Variants in PABPC1 observed in about 807,000 individuals in gnomAD.
The protein encoded by PABPC1 is poly(A) binding protein cytoplasmic 1, also known as polyadenylate-binding protein 1.
A neutral mutation model predicts 74.0 loss-of-function variants in PABPC1; 4 were observed. The ratio of observed to expected loss-of-function variants is 0.05; its 90% confidence interval spans 0.03 to 0.12. The LOEUF is 0.12. PABPC1 is among the 10% of genes least tolerant of loss of function. The pLI is 1.00. For synonymous variants in PABPC1, 227 were observed against 264.1 expected, an observed-to-expected ratio of 0.86 and a Z score of 1.36; for missense variants, 271 against 821.1, an observed-to-expected ratio of 0.33 and a Z score of 8.19.
intron 4 of PABPC1, among the ~76,000 whole-genome samples, chr8:100,715,140 C>G (rs1810634281): frequency 7.3e-6 from 1 of 136,380 alleles, no homozygotes; most frequent in African/African-American, 2.7e-5. Context: ...CACACACACA[C>G]ACACACACAC....
intron 9 of PABPC1, among the ~76,000 whole-genome samples, chr8:100,707,965 A>G (rs1810426006): frequency 6.6e-6 from 1 of 152,080 alleles, no homozygotes; most frequent in Non-Finnish European, 1.5e-5. Flanking sequence ...GTCACTTCTC[A>G]CTATGTCCCC....
chr8:100,715,146 CACACACACACACAT>C (rs141996210), intron 4 of PABPC1, among the ~76,000 whole-genome samples: 37,742 of 150,300 alleles, frequency 0.25, 5,057 homozygotes, highest in South Asian at 0.35. Context: ...CACACACACA[CACACACACACACAT>C]ATATATCTCC....
chr8:100,707,428 T>C (rs1237560575), intron 9 of PABPC1, among the ~76,000 whole-genome samples: 2 of 151,992 alleles, frequency 1.3e-5, no homozygotes, highest in Non-Finnish European at 1.5e-5. Flanking sequence ...GTGAGTCATC[T>C]CCAATGATAG....
intron 13 of PABPC1, 82 bp from the exon 14 acceptor site, chr8:100,704,472 A>G: frequency 8.8e-7 from 1 of 1,137,654 alleles, no homozygotes; most frequent in Non-Finnish European, 1.3e-6. Context: ...ACCAATTCCC[A>G]ACAAAGATAA....
intron 4 of PABPC1, 90 bp downstream of exon 4, chr8:100,715,372 T>C (rs1810642581): frequency 3.4e-6 from 4 of 1,165,148 alleles, no homozygotes; most frequent in East Asian, 2.4e-5. Flanking sequence ...TCTAATTTTA[T>C]TGACTTTTTT....
rs1222308174 is a variant in PABPC1 at position 100,705,442 on chromosome 8, T to A, written c.1687+147A>T. ...TTATTGGCTTTCCAGTGGTTTTAAT[T>A]AGGCAGACCAACTGTACTATCATAA... On this transcript the variant is annotated intron_variant, in intron 12 of 14. Coordinates refer to ENST00000318607, the MANE Select transcript of PABPC1 (RefSeq NM_002568.4). 7.0e-6 allele frequency: 5 copies of A among 709,268 alleles called. No individual in the cohort carries two copies. In the African/African-American group the frequency reaches 8.8e-5, roughly 12 times the overall value. The allele number at this position is 709,268 out of a possible 1,614,324, so 43.9% of individuals were successfully genotyped here. A position where few individuals can be genotyped will look rare whatever the true frequency, so the allele number is the denominator to read the frequency against.
rs149704439 is a variant in PABPC1, at chr8:100,718,074, A to G, written c.387+13T>C. 4.3e-3 allele frequency: 6,893 copies of G among 1,586,756 alleles called. 36 individuals carry two copies. The highest frequency in any genetic ancestry group is 0.017 in the South Asian group (1,534 of 87,726). On this transcript the variant is annotated intron_variant, in intron 2 of 14. Transcript: ENST00000318607. ...AACAATGTAAACATGTGTATCGGACATTTTTGGCTTACCTTACATGAAAGG... is the reference window on the plus strand; with the variant it reads ...AACAATGTAAACATGTGTATCGGACGTTTTTGGCTTACCTTACATGAAAGG...
chr8:100,707,007 A>T lies in PABPC1; in HGVS notation c.1337-10T>A. ...GGCATATTTTGGAATGCTGCATTTT[A>T]AAGATGTGAATATACATTAACTGGG... is the stretch of plus-strand genomic sequence containing the variant. On this transcript the variant is annotated splice_polypyrimidine_tract_variant and intron_variant, in intron 9 of 14. Transcript: ENST00000318607. 1.1e-6 allele frequency: 1 copy of T among 938,640 alleles called. No homozygotes were observed. The highest frequency in any genetic ancestry group is 1.6e-6 in the Non-Finnish European group (1 of 640,092). 58.1% of individuals were successfully genotyped at this position (938,640 alleles called of 1,614,324 possible).
rs1180891739 is a variant in PABPC1 at position 100,703,081 on chromosome 8, C to G, written c.*280G>C. On this transcript the variant is annotated 3_prime_UTR_variant, in exon 15 of 15. Coordinates refer to ENST00000318607, the MANE Select transcript of PABPC1 (RefSeq NM_002568.4). ...GAATGCTTTAAATTTTTGTACTTTG[C>G]TGAAAATTCTTTTTCCCAGGGTCTA... The G allele has an allele frequency of 1.2e-5, 2 of 160,082 alleles. No homozygotes were observed. Among genetic ancestry groups the G allele is most frequent in the Admixed American group, 6.7e-5 (1 of 15,008 alleles). The allele number at this position is 160,082 out of a possible 1,614,324, so 9.9% of individuals were successfully genotyped here.
chr8:100,712,478 C>T (rs1563612926), intron 6 of PABPC1, 21 bp from the exon 7 acceptor site: 2 of 1,541,390 alleles, frequency 1.3e-6, no homozygotes, highest in Non-Finnish European at 1.8e-6. Flanking sequence ...GAAAAGAAAA[C>T]TATAGAAAAA....
At chr8:100,709,893 T>C in intron 7 of PABPC1, 162 bp from the exon 8 acceptor site, 2 of 790,880 alleles carry the variant, frequency 2.5e-6, no homozygotes, top group Non-Finnish European at 1.9e-6. Flanking sequence ...TTTTCCTTAA[T>C]ACCCAATTAT....
rs1402327005 is a variant in PABPC1 at position 100,715,452 on chromosome 8, G to T, written c.643+10C>A. ...GCTTTGTGTGTAAAAATTTAATTAA[G>T]ACACATTACCAAACTTGCCAAAGAG... is the stretch of plus-strand genomic sequence containing the variant. On this transcript the variant is annotated intron_variant, in intron 4 of 14. Coordinates refer to ENST00000318607, the MANE Select transcript of PABPC1 (RefSeq NM_002568.4). The T allele has an allele frequency of 1.3e-6, 2 of 1,555,796 alleles. No homozygotes were observed. Among genetic ancestry groups the T allele is most frequent in the Non-Finnish European group, 1.7e-6 (2 of 1,146,294 alleles).
intron 11 of PABPC1, among the ~76,000 whole-genome samples, chr8:100,706,114 G>C (rs1810371960): frequency 6.6e-6 from 1 of 152,170 alleles, no homozygotes; most frequent in Non-Finnish European, 1.5e-5. Flanking sequence ...TGAAGTGCTG[G>C]GATTACATAG....
intron 5 of PABPC1, 56 bp from the exon 6 acceptor site, chr8:100,712,845 C>T (rs1215958936): frequency 3.3e-6 from 5 of 1,506,948 alleles, no homozygotes; most frequent in African/African-American, 1.4e-5. Context: ...ACTTACAGTT[C>T]ATTTCCTTAA....
intron 7 of PABPC1, 99 bp downstream of exon 7, chr8:100,712,263 A>C (rs867103384): frequency 1.5e-6 from 1 of 663,950 alleles, no homozygotes; most frequent in Non-Finnish European, 2.6e-6. Context: ...CGAAGCAAAC[A>C]CCTCTCTAGT....
chr8:100,717,984 T>A, intron 2 of PABPC1, 96 bp from the exon 3 acceptor site: 1 of 1,333,934 alleles, frequency 7.5e-7, no homozygotes, highest in Non-Finnish European at 1.1e-6. Flanking sequence ...AACCTGGATA[T>A]TTGTGAAATA....
intron 9 of PABPC1, among the ~76,000 whole-genome samples, chr8:100,708,266 C>A (rs1301357729): frequency 6.6e-6 from 1 of 152,190 alleles, no homozygotes; most frequent in Non-Finnish European, 1.5e-5. Flanking sequence ...CCCAGCCTGG[C>A]CAACAGGGCA....
At position 100,704,063 on chromosome 8, in the gene PABPC1, A is replaced by AAAC. The variant is rs1431679736; in HGVS notation, c.*1+233_*1+234insGTT. On this transcript the variant is annotated intron_variant, in intron 14 of 14. Coordinates refer to ENST00000318607, the MANE Select transcript of PABPC1 (RefSeq NM_002568.4). ...GAACGAAACTCCATCTCAAAAAAAA[A>AAAC]AAAAAAAAAAAACACCACCTGAAAG... The AAAC allele has an allele frequency of 1.2e-3, 490 of 397,398 alleles. 6 individuals carry two copies. Among genetic ancestry groups the AAAC allele is most frequent in the African/African-American group, 9.9e-3 (456 of 46,126 alleles). The allele number at this position is 397,398 out of a possible 1,614,324, so 24.6% of individuals were successfully genotyped here.
At chr8:100,713,676 T>C (rs1392638954) in intron 4 of PABPC1, among the ~76,000 whole-genome samples, 1 of 152,144 alleles carries the variant, frequency 6.6e-6, no homozygotes, top group African/African-American at 2.4e-5. Flanking sequence ...TTTGTAGAGA[T>C]AGGGTCTTGC....
Sources: gnomAD v4.1 joint callset for allele counts (sites outside exome capture counted in the v4.1 genomes callset) on GRCh38, gnomAD v4.1.1 for gene constraint, MANE v1.5 for transcripts, NCBI Gene and HGNC (gene_info 2026-07-23, HGNC 2026-07-21) for gene names.